The following FHIP1A variants were observed in gnomAD, a reference collection of about 807,000 sequenced individuals.
FHIP1A encodes the protein FHF complex subunit HOOK-interacting protein 1A.
In FHIP1A, 61 loss-of-function variants were observed where a neutral mutation model predicts 88.6. The observed-to-expected ratio is 0.69, with a 90% confidence interval of 0.56 to 0.85. The LOEUF (loss-of-function observed/expected upper bound fraction) is 0.85. Among genes scored for constraint, FHIP1A ranks in the 40% least tolerant of loss-of-function variants. The probability of loss-of-function intolerance (pLI) is 0.00; values close to 1 mark genes in which losing one functional copy is unlikely to be tolerated. For synonymous variants in FHIP1A, 478 were observed against 496.0 expected, an observed-to-expected ratio of 0.96 and a Z score of 0.48; for missense variants, 1,154 against 1,273.5, an observed-to-expected ratio of 0.91 and a Z score of 1.43.
At chr4:151,527,147 C>T (rs1402006482) in intron 3 of FHIP1A, among the ~76,000 whole-genome samples, 3 of 152,130 alleles carry the variant, frequency 2.0e-5, no homozygotes, top group Non-Finnish European at 4.4e-5. Flanking sequence ...GCTGCAATCT[C>T]GGCACCCTGG....
At chr4:151,616,699 C>T (rs1326707570) in intron 7 of FHIP1A, among the ~76,000 whole-genome samples, 1 of 151,852 alleles carries the variant, frequency 6.6e-6, no homozygotes, top group Non-Finnish European at 1.5e-5. Flanking sequence ...ATCCACCCAC[C>T]TCAGCCTCCC....
chr4:151,543,348 A>G (rs4696267), intron 3 of FHIP1A, among the ~76,000 whole-genome samples: 49,304 of 152,014 alleles, frequency 0.32, 8,017 homozygotes, highest in Non-Finnish European at 0.34. Flanking sequence ...GCCCCTCACC[A>G]CCAGCCCATA....
At chr4:151,574,792 T>G (rs1034129641) in intron 4 of FHIP1A, among the ~76,000 whole-genome samples, 1 of 152,208 alleles carries the variant, frequency 6.6e-6, no homozygotes, top group Non-Finnish European at 1.5e-5. Context: ...GCTTTTTAAC[T>G]TACATTTTAA....
chr4:151,649,698 G>C lies in FHIP1A; in HGVS notation c.1657G>C (p.Gly553Arg), dbSNP rs763507820. Residue 553 changes from glycine to arginine, a missense_variant, in exon 11 of 14, where the codon GGG becomes CGG. Physicochemically the swap from Gly to Arg is moderately radical, Grantham distance 125. Coordinates refer to ENST00000435205, the MANE Select transcript of FHIP1A (RefSeq NM_001109977.3). The stretch of plus-strand genomic sequence containing the variant: ...TGTGAGCTCGGCCTGCCCTGTGTTC[G>C]GGCTCCCGCAACAACTCCCCAGGAA... ...GSVSSACPVF[G>R]LPQQLPRKTG... 9.2e-5 allele frequency: 143 copies of C among 1,551,338 alleles called. No homozygotes were observed. Among genetic ancestry groups the C allele is most frequent in the Non-Finnish European group, 1.2e-4 (136 of 1,146,934 alleles).
At chr4:151,561,077 G>A (rs942572783) in intron 3 of FHIP1A, among the ~76,000 whole-genome samples, 10 of 152,206 alleles carry the variant, frequency 6.6e-5, no homozygotes, top group African/African-American at 2.2e-4. Context: ...GGTGTAAAAC[G>A]AGGTAGGATT....
intron 4 of FHIP1A, among the ~76,000 whole-genome samples, chr4:151,575,472 G>A (rs1733752553): frequency 6.6e-6 from 1 of 152,154 alleles, no homozygotes; most frequent in African/African-American, 2.4e-5. Context: ...AGGGCTTGGT[G>A]GAGGTTGTAG....
chr4:151,480,865 TATAAG>T (rs1272948477), intron 2 of FHIP1A, among the ~76,000 whole-genome samples: 10 of 152,064 alleles, frequency 6.6e-5, no homozygotes, highest in Admixed American at 2.0e-4. Context: ...GAATATTTGT[TATAAG>T]AGAAGGTACA....
chr4:151,467,574 C>T (rs973778300), intron 2 of FHIP1A, among the ~76,000 whole-genome samples: 2 of 152,228 alleles, frequency 1.3e-5, no homozygotes, highest in African/African-American at 4.8e-5. Context: ...GGAACTAACC[C>T]AAACACCTAT....
chr4:151,537,037 C>G (rs890711459), intron 3 of FHIP1A, among the ~76,000 whole-genome samples: 4 of 151,970 alleles, frequency 2.6e-5, no homozygotes, highest in Non-Finnish European at 4.4e-5. Context: ...ACTAACCCAG[C>G]TAATTATTTT....
intron 3 of FHIP1A, among the ~76,000 whole-genome samples, chr4:151,549,061 C>T (rs866083499): frequency 1.4e-4 from 22 of 152,142 alleles, no homozygotes; most frequent in Middle Eastern, 3.4e-3. Context: ...AAACTAATTA[C>T]GATTGGCTAT....
chr4:151,518,635 TTCCC>T (rs149749640), intron 3 of FHIP1A, among the ~76,000 whole-genome samples: 23 of 81,544 alleles, frequency 2.8e-4, no homozygotes, highest in South Asian at 8.6e-4. Flanking sequence ...AACTATCCAT[TTCCC>T]TCCCTCCCTC....
chr4:151,619,834 T>C (rs1319142184), intron 7 of FHIP1A, among the ~76,000 whole-genome samples: 1 of 152,226 alleles, frequency 6.6e-6, no homozygotes, highest in Non-Finnish European at 1.5e-5. Flanking sequence ...GGTTTAGCTG[T>C]GGATAACAGA....
At chr4:151,564,138 T>C (rs971116710) in intron 3 of FHIP1A, among the ~76,000 whole-genome samples, 2 of 152,236 alleles carry the variant, frequency 1.3e-5, no homozygotes, top group Non-Finnish European at 2.9e-5. Flanking sequence ...TTGAAGGATC[T>C]TAGCATATCT....
intron 2 of FHIP1A, among the ~76,000 whole-genome samples, chr4:151,470,357 A>G (rs1452074720): frequency 6.6e-6 from 1 of 152,240 alleles, no homozygotes; most frequent in African/African-American, 2.4e-5. Flanking sequence ...GCTTGGGGCC[A>G]GAACATTTTC....
intron 8 of FHIP1A, among the ~76,000 whole-genome samples, chr4:151,633,128 C>T (rs539606548): frequency 4.6e-5 from 7 of 151,708 alleles, no homozygotes; most frequent in African/African-American, 1.2e-4. Flanking sequence ...ATGAGAGAGG[C>T]GACATTACAC....
At chr4:151,600,497 T>A (rs1734823164) in intron 7 of FHIP1A, among the ~76,000 whole-genome samples, 1 of 152,192 alleles carries the variant, frequency 6.6e-6, no homozygotes, top group Non-Finnish European at 1.5e-5. Flanking sequence ...GTAAGTGGAC[T>A]GGTTACAACA....
At chr4:151,415,218 G>C (rs1580537789) in intron 1 of FHIP1A, among the ~76,000 whole-genome samples, 1 of 141,286 alleles carries the variant, frequency 7.1e-6, no homozygotes, top group Non-Finnish European at 1.5e-5. Context: ...ATGGAGTCTT[G>C]CTCTGTCACC....
chr4:151,466,835 A>T (rs543236347), intron 2 of FHIP1A, among the ~76,000 whole-genome samples: 2 of 152,362 alleles, frequency 1.3e-5, no homozygotes, highest in South Asian at 2.1e-4. Flanking sequence ...TTAACTCAAG[A>T]TGGATTAAAG....
At chr4:151,421,584 C>A (rs1350271999) in intron 1 of FHIP1A, among the ~76,000 whole-genome samples, 1 of 152,106 alleles carries the variant, frequency 6.6e-6, no homozygotes, top group African/African-American at 2.4e-5. Context: ...GGCTATATAT[C>A]CCAATACATA....
Sources: gnomAD v4.1 joint callset for allele counts (sites outside exome capture counted in the v4.1 genomes callset) on GRCh38, gnomAD v4.1.1 for gene constraint, MANE v1.5 for transcripts, NCBI Gene and HGNC (gene_info 2026-07-23, HGNC 2026-07-21) for gene names.